Variants in ARHGAP25 observed in about 807,000 individuals in gnomAD.
The protein encoded by ARHGAP25 is rho GTPase-activating protein 25.
In ARHGAP25, 34 loss-of-function variants were observed where a neutral mutation model predicts 71.0. The ratio of observed to expected loss-of-function variants is 0.48; its 90% CI spans 0.36 to 0.64. ARHGAP25 has a LOEUF of 0.64. Ranked by LOEUF, ARHGAP25 falls within the 30% of genes least tolerant of loss-of-function variation. ARHGAP25 has a pLI of 0.00. For synonymous variants in ARHGAP25, 282 were observed against 296.5 expected, an observed-to-expected ratio of 0.95 and a Z score of 0.50; for missense variants, 706 against 805.1, an observed-to-expected ratio of 0.88 and a Z score of 1.49.
chr2:68,726,474 A>G (rs1674886407), intron 2 of ARHGAP25, among the ~76,000 whole-genome samples: 1 of 152,208 alleles, frequency 6.6e-6, no homozygotes, highest in Non-Finnish European at 1.5e-5. Context: ...ATCCCCTGGG[A>G]ACGAATTTCC....
chr2:68,752,044 T>C (rs4068861), intron 1 of ARHGAP25, among the ~76,000 whole-genome samples: 13,733 of 152,332 alleles, frequency 0.09, 718 homozygotes, highest in Non-Finnish European at 0.11. Context: ...GAATAGTTGA[T>C]TGAATTTTAG....
At chr2:68,807,233 G>GCA in intron 4 of ARHGAP25, 40 bp from the exon 5 acceptor site, 1 of 1,601,874 alleles carries the variant, frequency 6.2e-7, no homozygotes, top group Non-Finnish European at 8.6e-7. Flanking sequence ...ATCCAAGGAA[G>GCA]CACAGAATGA....
chr2:68,744,756 T>A (rs1386177910), intron 1 of ARHGAP25, among the ~76,000 whole-genome samples: 1 of 152,164 alleles, frequency 6.6e-6, no homozygotes, highest in Non-Finnish European at 1.5e-5. Context: ...TTAGAGCCAG[T>A]AGAGAGTGCC....
At chr2:68,812,801 T>C (rs978042865) in intron 5 of ARHGAP25, among the ~76,000 whole-genome samples, 12 of 152,188 alleles carry the variant, frequency 7.9e-5, no homozygotes, top group Non-Finnish European at 1.5e-5. Flanking sequence ...TTGCACCTAA[T>C]AGGTTTTCTT....
chr2:68,724,958 A>G (rs890176977), intron 2 of ARHGAP25, among the ~76,000 whole-genome samples: 9 of 152,180 alleles, frequency 5.9e-5, no homozygotes, highest in African/African-American at 1.9e-4. Context: ...TTGCTGGTCT[A>G]TATTGTGTTG....
Position 68,782,315 on chromosome 2 carries a change from T to C in ARHGAP25, c.344T>C (p.Ile115Thr), listed in dbSNP as rs1221824869. Residue 115 changes from isoleucine to threonine, a missense_variant, in exon 3 of 11, where the codon ATT (isoleucine) becomes ACT (threonine). Physicochemically the swap from Ile to Thr is moderately conservative, Grantham distance 89. Transcript: ENST00000409202. ...GCTGGGAAGTTTGTCTTTGAAATCA[T>C]TCCAGGTAGGCCACCACAGGTAGGA... ...EEAGKFVFEI[I>T]PASWDQNRMG... 1 of 1,613,966 alleles carries C rather than the reference T, an allele frequency of 6.2e-7. No individual in the cohort carries two copies. The highest frequency in any genetic ancestry group is 1.3e-5 in the African/African-American group (1 of 74,920).
chr2:68,719,435 A>AG (rs1432871817), intron 2 of ARHGAP25, among the ~76,000 whole-genome samples: 1 of 151,816 alleles, frequency 6.6e-6, no homozygotes, highest in African/African-American at 2.4e-5. Flanking sequence ...TGGCAAAAAA[A>AG]AAAAAAAAGA....
intron 2 of ARHGAP25, chr2:68,775,907 A>G: frequency 3.1e-6 from 1 of 320,780 alleles, no homozygotes; most frequent in Non-Finnish European, 6.1e-6. Context: ...AACATAACAA[A>G]TAAGAAAAGT....
chr2:68,815,139 A>G (rs1329325493), intron 6 of ARHGAP25, among the ~76,000 whole-genome samples: 2 of 152,320 alleles, frequency 1.3e-5, no homozygotes, highest in East Asian at 3.9e-4. Context: ...TAATCTCAGC[A>G]TCTTTGAGAG....
intron 4 of ARHGAP25, among the ~76,000 whole-genome samples, chr2:68,804,553 G>T (rs1047531839): frequency 2.0e-5 from 3 of 152,062 alleles, no homozygotes; most frequent in Admixed American, 6.5e-5. Context: ...ACCATGTTTT[G>T]TGTGACCCCT....
rs776288718 is a variant in ARHGAP25, at chr2:68,782,203, A to G, written c.262-30A>G. The G allele has an allele frequency of 3.7e-6, 6 of 1,601,658 alleles. No homozygotes were observed. The South Asian group carries it at 5.5e-5, about 15-fold the overall frequency. On this transcript the variant is annotated intron_variant, in intron 2 of 10. Coordinates refer to ENST00000409202, the MANE Select transcript of ARHGAP25 (RefSeq NM_001007231.3). ...TTTAGTTTATATTAAATTGCTGCTT[A>G]TCCTTAAGGCCTGACTTTTCATCTT...
intron 1 of ARHGAP25, among the ~76,000 whole-genome samples, chr2:68,743,688 G>A (rs1675647860): frequency 6.6e-6 from 1 of 152,088 alleles, no homozygotes; most frequent in Non-Finnish European, 1.5e-5. Context: ...CCCAGCCCTT[G>A]TGCTCTGTCC....
intron 5 of ARHGAP25, among the ~76,000 whole-genome samples, chr2:68,807,862 G>A (rs1423375296): frequency 6.6e-6 from 1 of 152,174 alleles, no homozygotes; most frequent in African/African-American, 2.4e-5. Flanking sequence ...TCAGTGTAGT[G>A]GAGAATGCAC....
At chr2:68,712,805 G>T (rs759956034) in intron 2 of ARHGAP25, among the ~76,000 whole-genome samples, 1 of 152,172 alleles carries the variant, frequency 6.6e-6, no homozygotes, top group Non-Finnish European at 1.5e-5. Context: ...GTTTGTCAAA[G>T]ATCAGATGGT....
At chr2:68,800,078 C>T (rs941355950) in intron 4 of ARHGAP25, among the ~76,000 whole-genome samples, 1 of 152,086 alleles carries the variant, frequency 6.6e-6, no homozygotes, top group Admixed American at 6.5e-5. Flanking sequence ...TCACTTCTTC[C>T]ACTAGAAGAC....
intron 1 of ARHGAP25, among the ~76,000 whole-genome samples, chr2:68,746,253 A>G (rs1675806320): frequency 6.6e-6 from 1 of 152,200 alleles, no homozygotes; most frequent in Non-Finnish European, 1.5e-5. Context: ...ACTAAGTGAG[A>G]ATTACTCAAT....
At chr2:68,775,149 C>G (rs11685672) in intron 1 of ARHGAP25, 72 bp from the exon 2 acceptor site, 469,088 of 1,612,086 alleles carry the variant, frequency 0.29, 70,682 homozygotes, top group Non-Finnish European at 0.31. Flanking sequence ...GGGTTCCTCT[C>G]TCCTCTCCGC....
chr2:68,781,696 C>T lies in ARHGAP25; in HGVS notation c.262-537C>T, dbSNP rs559751568. On this transcript the variant is annotated intron_variant, in intron 2 of 10. Transcript: ENST00000409202. ...GAAGCTTTCTGATCTCTTTTCTTCA[C>T]CTATAAAATTTACATAATGATACTT... 8.5e-5 allele frequency among the ~76,000 whole-genome samples: 13 copies of T among 152,272 alleles called. No individual in the cohort carries two copies. In the East Asian group the frequency reaches 2.5e-3, roughly 29 times the overall value.
chr2:68,743,158 A>C (rs1292996857), intron 1 of ARHGAP25, among the ~76,000 whole-genome samples: 1 of 151,884 alleles, frequency 6.6e-6, no homozygotes, highest in Non-Finnish European at 1.5e-5. Context: ...GCAAAGAGTG[A>C]CTCTGGGTTG....
Sources: allele counts gnomAD v4.1 joint callset (sites outside exome capture counted in the v4.1 genomes callset), GRCh38; gene constraint gnomAD v4.1.1; transcripts MANE v1.5; gene names NCBI Gene and HGNC (gene_info 2026-07-23, HGNC 2026-07-21).